The following CACNB2 variants were observed in gnomAD, a reference collection of about 807,000 sequenced individuals.
CACNB2 encodes the protein voltage-dependent L-type calcium channel subunit beta-2.
CACNB2 carries 42 observed loss-of-function variants against 73.3 expected under a neutral mutation model. The ratio of observed to expected loss-of-function variants is 0.57; its 90% CI spans 0.45 to 0.74. CACNB2 has a LOEUF of 0.74. Among genes scored for constraint, CACNB2 ranks in the 30% least tolerant of loss-of-function variants. The pLI, the probability that CACNB2 is intolerant of heterozygous loss-of-function variation, is 0.00. For missense variants in CACNB2, 940 were observed against 853.0 expected (o/e 1.10, Z -1.27); for synonymous variants, 348 against 310.3 (o/e 1.12, Z -1.28).
At chr10:18,528,746 T>A (rs2133237393) in intron 10 of CACNB2, among the ~76,000 whole-genome samples, 1 of 152,368 alleles carries the variant, frequency 6.6e-6, no homozygotes, top group East Asian at 1.9e-4. Context: ...AATGTAATCA[T>A]GTGTTTTGCT....
intron 2 of CACNB2, among the ~76,000 whole-genome samples, chr10:18,282,934 A>AT (rs2038617059): frequency 6.6e-6 from 1 of 152,214 alleles, no homozygotes; most frequent in African/African-American, 2.4e-5. Context: ...ACAAAGGGCT[A>AT]ATATCCAGAA....
In CACNB2 at chr10:18,534,130, T is replaced by C. The variant is rs1046908664; in HGVS notation, c.1109T>C (p.Leu370Ser). 6.2e-7 allele frequency: 1 copy of C among 1,613,908 alleles called. No individual in the cohort carries two copies. The highest frequency in any genetic ancestry group is 8.5e-7 in the Non-Finnish European group (1 of 1,179,906). The change falls in exon 11 of 14, where the codon TTG (leucine) becomes TCG (serine). Residue 370 changes from leucine (L) to serine (S), a missense_variant. Coordinates refer to ENST00000324631, the MANE Select transcript of CACNB2 (RefSeq NM_201596.3). ...RIFELARTLQ[L>S]VVLDADTINH... The stretch of plus-strand genomic sequence containing the variant: ...TTTGAACTTGCAAGAACATTGCAGT[T>C]GGTGGTCCTTGACGCGGATACAATT...
At chr10:18,339,597 T>G (rs2041152822) in intron 2 of CACNB2, among the ~76,000 whole-genome samples, 1 of 152,152 alleles carries the variant, frequency 6.6e-6, no homozygotes, top group Non-Finnish European at 1.5e-5. Context: ...CTTACAAACC[T>G]TTTCTGTAAA....
chr10:18,462,322 G>A lies in CACNB2; in HGVS notation c.334-36033G>A, dbSNP rs113873902. Among the ~76,000 whole-genome samples, 59 of 152,020 alleles carry A rather than the reference G, an allele frequency of 3.9e-4. 1 individual carries two copies. Among genetic ancestry groups the A allele is most frequent in the African/African-American group, 1.3e-3 (53 of 41,470 alleles). ...AGGCTGGAGTGCAGTGGTACAATCC[G>A]CAGCTCACTGCAGCCTTGAACTCCT... On this transcript the variant is annotated intron_variant, in intron 3 of 13. Transcript: ENST00000324631.
chr10:18,198,366 G>T (rs1240013079), intron 2 of CACNB2, among the ~76,000 whole-genome samples: 1 of 151,910 alleles, frequency 6.6e-6, no homozygotes, highest in Non-Finnish European at 1.5e-5. Flanking sequence ...GGGGCACCTG[G>T]GGGTATATGT....
chr10:18,447,833 T>C (rs2046809546), intron 3 of CACNB2, among the ~76,000 whole-genome samples: 1 of 152,178 alleles, frequency 6.6e-6, no homozygotes, highest in African/African-American at 2.4e-5. Context: ...CAGATTTCTT[T>C]TTAAAAAAAT....
chr10:18,385,488 G>A (rs760501066), intron 2 of CACNB2, among the ~76,000 whole-genome samples: 13 of 149,918 alleles, frequency 8.7e-5, no homozygotes, highest in Admixed American at 3.3e-4. Flanking sequence ...TTAGCTGGGC[G>A]TGGTGGTGTG....
intron 2 of CACNB2, among the ~76,000 whole-genome samples, chr10:18,344,847 C>T (rs565267449): frequency 2.0e-5 from 3 of 152,272 alleles, no homozygotes; most frequent in African/African-American, 7.2e-5. Flanking sequence ...ACAAGCTCAC[C>T]ATGCTGTGGT....
intron 6 of CACNB2, among the ~76,000 whole-genome samples, chr10:18,511,287 A>G (rs1429265624): frequency 6.6e-6 from 1 of 152,196 alleles, no homozygotes; most frequent in Non-Finnish European, 1.5e-5. Flanking sequence ...ATTATTTGTA[A>G]TAGTGTACAA....
At chr10:18,340,078 G>A (rs1046227366) in intron 2 of CACNB2, among the ~76,000 whole-genome samples, 9 of 152,042 alleles carry the variant, frequency 5.9e-5, no homozygotes, top group Non-Finnish European at 7.4e-5. Flanking sequence ...ATCTATTCAC[G>A]TCTTGTTTTC....
chr10:18,356,650 T>TA (rs992848653), intron 2 of CACNB2, among the ~76,000 whole-genome samples: 1 of 152,004 alleles, frequency 6.6e-6, no homozygotes, highest in African/African-American at 2.4e-5. Flanking sequence ...TTTTTTTTTT[T>TA]AACAGAGTCT....
At chr10:18,466,409 T>G (rs916823520) in intron 3 of CACNB2, among the ~76,000 whole-genome samples, 1 of 151,886 alleles carries the variant, frequency 6.6e-6, no homozygotes, top group Non-Finnish European at 1.5e-5. Context: ...CCAGCTAAAT[T>G]TTTTACAGAG....
intron 2 of CACNB2, among the ~76,000 whole-genome samples, chr10:18,176,142 C>A (rs1171440485): frequency 6.6e-6 from 1 of 152,042 alleles, no homozygotes; most frequent in African/African-American, 2.4e-5. Context: ...CATTCATGAC[C>A]ACATAGTGCT....
At chr10:18,259,617 G>A (rs1255182020) in intron 2 of CACNB2, among the ~76,000 whole-genome samples, 1 of 150,656 alleles carries the variant, frequency 6.6e-6, no homozygotes, top group Non-Finnish European at 1.5e-5. Flanking sequence ...TGTAGTCCCA[G>A]CTACTCAGGA....
chr10:18,423,483 A>G (rs1477981616), intron 3 of CACNB2, among the ~76,000 whole-genome samples: 1 of 152,188 alleles, frequency 6.6e-6, no homozygotes, highest in Non-Finnish European at 1.5e-5. Flanking sequence ...GTGTCCTGCC[A>G]TAAGCAACGG....
intron 2 of CACNB2, among the ~76,000 whole-genome samples, chr10:18,157,502 G>C (rs2032145669): frequency 6.6e-6 from 1 of 152,168 alleles, no homozygotes; most frequent in Non-Finnish European, 1.5e-5. Context: ...AAATATTACT[G>C]CCTATTTGTA....
intron 3 of CACNB2, among the ~76,000 whole-genome samples, chr10:18,409,794 T>C (rs2132615473): frequency 6.6e-6 from 1 of 152,266 alleles, no homozygotes; most frequent in Middle Eastern, 3.4e-3. Flanking sequence ...CTTGCTCTAT[T>C]GGACCGCTCA....
At chr10:18,396,264 T>G (rs1296516386) in intron 2 of CACNB2, among the ~76,000 whole-genome samples, 3 of 152,220 alleles carry the variant, frequency 2.0e-5, no homozygotes, top group African/African-American at 7.2e-5. Flanking sequence ...CCATAGTTTA[T>G]GATTTTATTT....
At chr10:18,494,396 G>A (rs10828773) in intron 3 of CACNB2, among the ~76,000 whole-genome samples, 27,915 of 151,970 alleles carry the variant, frequency 0.18, 2,973 homozygotes, top group East Asian at 0.5. Flanking sequence ...TTGGGAGGCC[G>A]AGGTGGGTGG....
Sources: allele counts gnomAD v4.1 joint callset (sites outside exome capture counted in the v4.1 genomes callset), GRCh38; gene constraint gnomAD v4.1.1; transcripts MANE v1.5; gene names NCBI Gene and HGNC (gene_info 2026-07-23, HGNC 2026-07-21).